ZFAT: variants seen among roughly 807,000 people sequenced by gnomAD.
ZFAT encodes the protein zinc finger and AT-hook domain containing.
ZFAT carries 64 observed loss-of-function variants against 117.7 expected under a neutral mutation model. The observed-to-expected ratio is 0.54, with a 90% CI of 0.44 to 0.67. The LOEUF (loss-of-function observed/expected upper bound fraction) is 0.67, where lower values mean the gene tolerates loss of function less well. ZFAT is among the 30% of genes least tolerant of loss of function. ZFAT has a pLI of 0.00. For synonymous variants in ZFAT, 679 were observed against 615.0 expected, an observed-to-expected ratio of 1.10 and a Z score of -1.54; for missense variants, 1,433 against 1,584.5, an observed-to-expected ratio of 0.90 and a Z score of 1.62.
At chr8:134,693,489 T>C (rs912958940) in intron 1 of ZFAT, among the ~76,000 whole-genome samples, 2 of 152,264 alleles carry the variant, frequency 1.3e-5, no homozygotes, top group South Asian at 2.1e-4. Flanking sequence ...TAAAACAAAA[T>C]AGTAACAATG....
chr8:134,784,421 T>C, the ZFAT span: 1 of 152,182 alleles, frequency 6.6e-6, no homozygotes, highest in Non-Finnish European at 1.5e-5. Context: ...AAATATGCGA[T>C]TCTCTTTAAA....
At chr8:134,683,893 G>C (rs1211380053) in intron 1 of ZFAT, among the ~76,000 whole-genome samples, 1 of 152,002 alleles carries the variant, frequency 6.6e-6, no homozygotes, top group Non-Finnish European at 1.5e-5. Context: ...TGATTTTTAA[G>C]CACTGGCCAT....
chr8:134,793,765 T>C, the ZFAT span: 1 of 152,110 alleles, frequency 6.6e-6, no homozygotes. Flanking sequence ...AAGTGATTTA[T>C]CTAGATTATC....
At chr8:134,565,512 G>C (rs762864111) in intron 10 of ZFAT, 91 bp from the exon 11 acceptor site, 13 of 1,212,438 alleles carry the variant, frequency 1.1e-5, no homozygotes, top group Non-Finnish European at 1.6e-5. Context: ...GTACACAAAG[G>C]TGTTCCTTGC....
At chr8:134,713,215 C>G (rs972956408), upstream of ZFAT, among the ~76,000 whole-genome samples, 5 of 152,092 alleles carry the variant, frequency 3.3e-5, no homozygotes, top group African/African-American at 7.2e-5. Context: ...GAGCCACGCC[C>G]AGGGAGGGGC....
the ZFAT span, among the ~76,000 whole-genome samples, chr8:134,773,789 T>C: frequency 1.7e-3 from 260 of 152,290 alleles, 3 homozygotes; most frequent in Middle Eastern, 0.037. Flanking sequence ...CCTGAAGATG[T>C]GACTGAATTG....
chr8:134,528,897 G>C (rs995193966), intron 12 of ZFAT, among the ~76,000 whole-genome samples: 1 of 152,222 alleles, frequency 6.6e-6, no homozygotes, highest in African/African-American at 2.4e-5. Flanking sequence ...CATGGTTCCA[G>C]GCACACTGTA....
At chr8:134,789,993 C>T in the ZFAT span, among the ~76,000 whole-genome samples, 2 of 152,206 alleles carry the variant, frequency 1.3e-5, no homozygotes, top group African/African-American at 4.8e-5. Flanking sequence ...TCAGAGAATG[C>T]ATACTCTAGT....
intron 10 of ZFAT, among the ~76,000 whole-genome samples, chr8:134,568,416 T>C (rs577605246): frequency 6.6e-6 from 1 of 152,366 alleles, no homozygotes; most frequent in East Asian, 1.9e-4. Context: ...ACATGGCTCA[T>C]GTGCATACAG....
intron 1 of ZFAT, among the ~76,000 whole-genome samples, chr8:134,686,335 C>A (rs1366489356): frequency 6.6e-6 from 1 of 152,172 alleles, no homozygotes; most frequent in Non-Finnish European, 1.5e-5. Context: ...TGCCCTGAGT[C>A]CTGGTTATCC....
chr8:134,643,221 T>C (rs773627491), intron 2 of ZFAT, among the ~76,000 whole-genome samples: 37 of 152,234 alleles, frequency 2.4e-4, no homozygotes, highest in Non-Finnish European at 4.4e-4. Context: ...GGTCAGGGAA[T>C]TAATAAATGG....
intron 15 of ZFAT, among the ~76,000 whole-genome samples, chr8:134,508,548 C>T (rs1166367238): frequency 1.3e-5 from 2 of 152,114 alleles, no homozygotes; most frequent in Non-Finnish European, 2.9e-5. Context: ...GAGATCTTCC[C>T]CAACAACCCT....
Position 134,543,383 on chromosome 8 carries a change from G to T in ZFAT, c.2977-10411C>A, listed in dbSNP as rs556983612. Reference sequence around the variant, plus strand: ...AGTCAGCCAGGCACATGCAGGAGATGTGCAGGAGCTTGCTCCAAACCATCT... The same window carrying T: ...AGTCAGCCAGGCACATGCAGGAGATTTGCAGGAGCTTGCTCCAAACCATCT... On this transcript the variant is annotated intron_variant, in intron 11 of 15. Transcript: ENST00000377838. Among the ~76,000 whole-genome samples, 3 of 152,398 alleles carry T rather than the reference G, an allele frequency of 2.0e-5. No homozygotes were observed. In the East Asian group the frequency reaches 5.8e-4, roughly 29 times the overall value.
intron 1 of ZFAT, among the ~76,000 whole-genome samples, chr8:134,682,303 A>T: frequency 6.6e-6 from 1 of 152,226 alleles, no homozygotes. Context: ...AAATAAACTC[A>T]GAGACACTAG....
chr8:134,521,013 G>C lies in ZFAT; in HGVS notation c.3116-12C>G, dbSNP rs752151789. 3 of 1,597,694 alleles carry C rather than the reference G, an allele frequency of 1.9e-6. No homozygotes were observed. Among genetic ancestry groups the C allele is most frequent in the Non-Finnish European group, 2.6e-6 (3 of 1,170,552 alleles). ...ACACTTCAAACCACCTGAAAGCACA[G>C]ACAGAGGTTAAAAAAAAAATGTGTT... On this transcript the variant is annotated splice_polypyrimidine_tract_variant and intron_variant, in intron 12 of 15. Transcript: ENST00000377838.
At position 134,520,949 on chromosome 8, in the gene ZFAT, G is replaced by T. The variant is rs1402694269; in HGVS notation, c.3168C>A (p.Phe1056Leu). Residue 1056 changes from phenylalanine (F) to leucine (L), a missense_variant, in exon 13 of 16, where the codon TTC becomes TTA. By Grantham distance (22) the Phe-to-Leu change is conservative. This residue lies in a region of ZFAT where 503 missense variants were observed against 543.4 expected (regional missense o/e 0.93). Coordinates refer to ENST00000377838, the MANE Select transcript of ZFAT (RefSeq NM_020863.4). ...CATGTTTGTTCTTCAAGTGCCTATT[G>T]AACTCCCATTTGGTGCCATATACAA... Reference protein sequence around the residue: ...CSFVYGTKWEFNRHLKNKHGL... With the variant: ...CSFVYGTKWELNRHLKNKHGL... 1.2e-6 allele frequency: 2 copies of T among 1,613,494 alleles called. No individual in the cohort carries two copies. Among genetic ancestry groups the T allele is most frequent in the African/African-American group, 1.3e-5 (1 of 74,804 alleles).
chr8:134,563,805 C>A (rs961701784), intron 11 of ZFAT, among the ~76,000 whole-genome samples: 3 of 152,032 alleles, frequency 2.0e-5, no homozygotes, highest in Non-Finnish European at 4.4e-5. Context: ...GTAGGGTCGC[C>A]CAGCTCCCCA....
intron 7 of ZFAT, chr8:134,594,809 A>T (rs1009661958): frequency 6.6e-6 from 1 of 152,006 alleles, no homozygotes; most frequent in African/African-American, 2.4e-5. Context: ...AAACTTACCA[A>T]CTCCCAAGCT....
intron 5 of ZFAT, among the ~76,000 whole-genome samples, chr8:134,606,743 A>G (rs1201721875): frequency 6.6e-6 from 1 of 152,036 alleles, no homozygotes; most frequent in Non-Finnish European, 1.5e-5. Flanking sequence ...AAAAAAAAAA[A>G]AAAAAGTTTT....
Sources: allele counts gnomAD v4.1 joint callset (sites outside exome capture counted in the v4.1 genomes callset), GRCh38; gene constraint gnomAD v4.1.1; regional missense constraint gnomAD v4.1.1; transcripts MANE v1.5; gene names NCBI Gene and HGNC (gene_info 2026-07-23, HGNC 2026-07-21).